Variants in RP1L1 observed in about 807,000 individuals in gnomAD.
RP1L1 encodes retinitis pigmentosa 1-like 1 protein.
A neutral mutation model predicts 15.7 loss-of-function variants in RP1L1; 27 were observed. That is an observed-to-expected ratio of 1.72 (90% confidence interval 1.27 to 2.38). RP1L1 has a LOEUF of 2.38. Ranked by LOEUF, RP1L1 falls within the 30% of genes most tolerant of loss-of-function variation. The pLI is 0.00. For synonymous variants in RP1L1, 1,813 were observed against 1,276.7 expected, an observed-to-expected ratio of 1.42 and a Z score of -8.96; for missense variants, 4,798 against 3,075.9, an observed-to-expected ratio of 1.56 and a Z score of -13.24.
At chr8:10,631,275 G>GCATGCACACA (rs1210897072) in intron 1 of RP1L1, among the ~76,000 whole-genome samples, 1 of 133,216 alleles carries the variant, frequency 7.5e-6, no homozygotes, top group Non-Finnish European at 1.6e-5. Context: ...ACACAAACAC[G>GCATGCACACA]CATGCACACA....
chr8:10,625,277 C>T (rs1338219219), intron 1 of RP1L1, among the ~76,000 whole-genome samples: 1 of 152,202 alleles, frequency 6.6e-6, no homozygotes, highest in Non-Finnish European at 1.5e-5. Context: ...TCTCCACCAT[C>T]TCAGGAATCA....
chr8:10,616,338 C>A, intron 3 of RP1L1, 108 bp downstream of exon 3: 2 of 1,431,920 alleles, frequency 1.4e-6, no homozygotes, highest in Middle Eastern at 1.7e-4. Flanking sequence ...TACCCAAGAT[C>A]TGGGGCCAAA....
rs374370511 is a variant in RP1L1 at position 10,622,988 on chromosome 8, C to T, written c.214G>A (p.Val72Met). The change falls in exon 2 of 4, where the codon GTG (valine) becomes ATG (methionine). Residue 72 changes from valine to methionine, a missense_variant. Physicochemically the swap from Val to Met is conservative, Grantham distance 21. Coordinates refer to ENST00000382483, the MANE Select transcript of RP1L1 (RefSeq NM_178857.6). Reference sequence around the variant, plus strand: ...GAGCGCACCCCAAAGGAGAGAGGCACGCGCTGGGAGAGCTCGTCCATGAGG... The same window carrying T: ...GAGCGCACCCCAAAGGAGAGAGGCATGCGCTGGGAGAGCTCGTCCATGAGG... ...SALMDELSQRVPLSFGVRSVT... is the reference protein window; with the variant it reads ...SALMDELSQRMPLSFGVRSVT... 5.5e-5 allele frequency: 88 copies of T among 1,614,136 alleles called. No individual in the cohort carries two copies. Among genetic ancestry groups the T allele is most frequent in the African/African-American group, 3.2e-4 (24 of 75,042 alleles).
chr8:10,634,351 C>T (rs542587133), intron 1 of RP1L1, among the ~76,000 whole-genome samples: 3 of 152,252 alleles, frequency 2.0e-5, no homozygotes, highest in South Asian at 2.1e-4. Context: ...GGCTGCAACA[C>T]GGACCCTAGG....
At position 10,640,181 on chromosome 8, in the gene RP1L1, C is replaced by T. The variant is rs11250055; in HGVS notation, c.-20+14717G>A. Reference sequence around the variant, plus strand: ...GGCCCAAGGGGTAAATCTGCATGATCCAAATGGCTTCGTTTGTTCCTTTGT... The same window carrying T: ...GGCCCAAGGGGTAAATCTGCATGATTCAAATGGCTTCGTTTGTTCCTTTGT... On this transcript the variant is annotated intron_variant, in intron 1 of 3. Transcript: ENST00000382483. 1.4e-4 allele frequency among the ~76,000 whole-genome samples: 22 copies of T among 152,274 alleles called. No individual in the cohort carries two copies. The East Asian group carries it at 4.3e-3, about 29-fold the overall frequency.
chr8:10,654,291 C>G (rs1010513519), intron 1 of RP1L1, among the ~76,000 whole-genome samples: 1 of 152,202 alleles, frequency 6.6e-6, no homozygotes, highest in Admixed American at 6.5e-5. Context: ...GCCTCAGTCT[C>G]TTCTGCACAA....
intron 3 of RP1L1, 148 bp from the exon 4 acceptor site, chr8:10,613,494 T>C: frequency 8.1e-7 from 1 of 1,234,640 alleles, no homozygotes; most frequent in South Asian, 1.4e-5. Context: ...CTGTGCGCGG[T>C]GGCTCAGGCC....
At position 10,622,750 on chromosome 8, in the gene RP1L1, G is replaced by A; in HGVS notation, c.452C>T (p.Pro151Leu). The A allele has an allele frequency of 9.3e-6, 15 of 1,614,098 alleles. No individual in the cohort carries two copies. Among genetic ancestry groups the A allele is most frequent in the Middle Eastern group, 1.6e-4 (1 of 6,062 alleles). The change falls in exon 2 of 4, where the codon CCC (proline) becomes CTC (leucine). Residue 151 changes from proline to leucine, a missense_variant. Coordinates refer to ENST00000382483, the MANE Select transcript of RP1L1 (RefSeq NM_178857.6). ...GTTCTTAATCAGCAGTATCCTCCGG[G>A]GGGTTTTAAGACTCTTCCGGGAGGA... ...TSSSRKSLKT[P>L]RRILLIKNMD...
rs199965589 is a variant in RP1L1 at position 10,609,423 on chromosome 8, C to T, written c.4675G>A (p.Glu1559Lys). The change falls in exon 4 of 4, where the codon GAG becomes AAG. Residue 1559 changes from glutamate (E) to lysine (K), a missense_variant. Physicochemically the swap from Glu to Lys is moderately conservative, Grantham distance 56 (BLOSUM62 1). Coordinates refer to ENST00000382483, the MANE Select transcript of RP1L1 (RefSeq NM_178857.6). Reference sequence around the variant, plus strand: ...CGTTGGGCCACGTCCTGCTGCAGCTCGGCCGCCATCTGGTCCAGCAGATCA... The same window carrying T: ...CGTTGGGCCACGTCCTGCTGCAGCTTGGCCGCCATCTGGTCCAGCAGATCA... ...DNDLLDQMAA[E>K]LQQDVAQRLQ... 3.2e-4 allele frequency: 513 copies of T among 1,612,258 alleles called. No homozygotes were observed. In the African/African-American group the frequency reaches 5.9e-3, roughly 18 times the overall value.
At chr8:10,630,421 C>A (rs1237213317) in intron 1 of RP1L1, among the ~76,000 whole-genome samples, 2 of 152,200 alleles carry the variant, frequency 1.3e-5, no homozygotes, top group African/African-American at 4.8e-5. Flanking sequence ...GAAGGGATGG[C>A]AGAGATGTCA....
chr8:10,607,514 C>G lies in RP1L1; in HGVS notation c.6584G>C (p.Gly2195Ala), dbSNP rs201246119. ...AEGEAQPESE[G>A]IEAPEAEGEA... ...CCCTTCTGCCTCTGGGGCCTCTATA[C>G]CTTCTGACTCTGGCTGGGCCTCCCC... Residue 2195 changes from glycine (G) to alanine (A), a missense_variant, in exon 4 of 4, where the codon GGT (glycine) becomes GCT (alanine). Physicochemically the swap from Gly to Ala is moderately conservative, Grantham distance 60. Transcript: ENST00000382483. 7 of 1,605,944 alleles carry G rather than the reference C, an allele frequency of 4.4e-6. No individual in the cohort carries two copies. The East Asian group carries it at 1.6e-4, about 36-fold the overall frequency.
Position 10,608,832 on chromosome 8 carries a change from T to G in RP1L1, c.5266A>C (p.Lys1756Gln). 1 of 1,614,170 alleles carries G rather than the reference T, an allele frequency of 6.2e-7. No homozygotes were observed. Among genetic ancestry groups the G allele is most frequent in the Non-Finnish European group, 8.5e-7 (1 of 1,180,050 alleles). Residue 1756 changes from lysine to glutamine, a missense_variant, in exon 4 of 4, where the codon AAA becomes CAA. Lys to Gln is a moderately conservative substitution (Grantham distance 53). Transcript: ENST00000382483. The part of the protein sequence containing the change: ...GEGSQRLNRD[K>Q]DPKLGEAEGD... ...TCTGCCTCCCCGAGTTTGGGATCTTTGTCTCTGTTGAGTCTCTGGCTCCCC... is the reference window on the plus strand; with the variant it reads ...TCTGCCTCCCCGAGTTTGGGATCTTGGTCTCTGTTGAGTCTCTGGCTCCCC...
chr8:10,635,620 T>C (rs538616228), intron 1 of RP1L1, among the ~76,000 whole-genome samples: 40 of 152,316 alleles, frequency 2.6e-4, no homozygotes, highest in African/African-American at 9.4e-4. Flanking sequence ...GTCTCTGATC[T>C]ACACAGTGCC....
At chr8:10,645,913 C>T (rs1020324119) in intron 1 of RP1L1, among the ~76,000 whole-genome samples, 3 of 152,230 alleles carry the variant, frequency 2.0e-5, no homozygotes, top group African/African-American at 7.2e-5. Context: ...TGGCCTTTCT[C>T]CTCTTCCCTC....
rs760103548 is a variant in RP1L1, at chr8:10,616,537, G to A, written c.660C>T (p.Ala220=). The change falls in exon 3 of 4, where the codon GCC becomes GCT. Residue 220 remains alanine, a synonymous_variant. Coordinates refer to ENST00000382483, the MANE Select transcript of RP1L1 (RefSeq NM_178857.6). The part of the protein sequence containing the change: ...LLHSPSVLVC[A]GHEAFRTPAM... The stretch of plus-strand genomic sequence containing the variant: ...CTGGGGTTCTGAAGGCCTCATGCCC[G>A]GCACACACCAGCACAGAGGGGCTGT... 1.7e-5 allele frequency: 27 copies of A among 1,613,890 alleles called. No individual in the cohort carries two copies. Among genetic ancestry groups the A allele is most frequent in the Middle Eastern group, 1.6e-4 (1 of 6,084 alleles).
chr8:10,609,118 C>A lies in RP1L1; in HGVS notation c.4980G>T (p.Glu1660Asp). Residue 1660 changes from glutamate to aspartate, a missense_variant, in exon 4 of 4, where the codon GAG becomes GAT. Glu to Asp is a conservative substitution (Grantham distance 45, BLOSUM62 2). Coordinates refer to ENST00000382483, the MANE Select transcript of RP1L1 (RefSeq NM_178857.6). ...GGCTCACTTTCTTCCTCACGCAGGC[C>A]TCGCAGGGACAGAACTCCTCCCCCT... ...EAEGEEFCPC[E>D]ACVRKKVSPM... 1 of 1,613,550 alleles carries A rather than the reference C, an allele frequency of 6.2e-7. No individual in the cohort carries two copies. Among genetic ancestry groups the A allele is most frequent in the Non-Finnish European group, 8.5e-7 (1 of 1,179,624 alleles).
intron 2 of RP1L1, chr8:10,621,823 A>T (rs1283387816): frequency 2.1e-6 from 1 of 469,544 alleles, no homozygotes; most frequent in Non-Finnish European, 4.3e-6. Flanking sequence ...CAATAATCAT[A>T]GTGGCTTCCA....
At position 10,609,203 on chromosome 8, in the gene RP1L1, G is replaced by T. The variant is rs758817872; in HGVS notation, c.4895C>A (p.Thr1632Asn). 3 of 1,610,870 alleles carry T rather than the reference G, an allele frequency of 1.9e-6. No individual in the cohort carries two copies. Among genetic ancestry groups the T allele is most frequent in the African/African-American group, 2.7e-5 (2 of 74,938 alleles). ...GCTGAGGGCTGGCTCGTCCTCCAGG[G>T]TGAAGGAGAGGGGCCCCAGGCCCAG... ...RTLGLGPLSF[T>N]LEDEPALSTA... Residue 1632 changes from threonine to asparagine, a missense_variant, in exon 4 of 4, where the codon ACC becomes AAC. By Grantham distance (65) the Thr-to-Asn change is moderately conservative. Coordinates refer to ENST00000382483, the MANE Select transcript of RP1L1 (RefSeq NM_178857.6).
chr8:10,608,241 G>A lies in RP1L1; in HGVS notation c.5857C>T (p.Gln1953Ter). ...AEEAAQEAEG[Q>*]TQPESEVIES... ...ATAACTTCTGACTCTGGCTGGGTCTGCCCTTCTGCCTCCTGGGCCGCCTCT... is the reference window on the plus strand; with the variant it reads ...ATAACTTCTGACTCTGGCTGGGTCTACCCTTCTGCCTCCTGGGCCGCCTCT... The change falls in exon 4 of 4, where the codon CAG becomes TAG. Residue 1953 changes from glutamine (Q) to a stop codon, truncating the protein, a stop_gained. Transcript: ENST00000382483. LOFTEE classifies it low-confidence loss of function (END_TRUNC). 6.5e-7 allele frequency: 1 copy of A among 1,542,934 alleles called. No individual in the cohort carries two copies. Among genetic ancestry groups the A allele is most frequent in the Non-Finnish European group, 8.8e-7 (1 of 1,141,544 alleles).
Sources: gnomAD v4.1 joint callset for allele counts (sites outside exome capture counted in the v4.1 genomes callset) on GRCh38, gnomAD v4.1.1 for gene constraint, MANE v1.5 for transcripts, NCBI Gene and HGNC (gene_info 2026-07-23, HGNC 2026-07-21) for gene names.